GEMIN2: variants seen among roughly 807,000 people sequenced by gnomAD.
GEMIN2 encodes the protein gem-associated protein 2.
Under a neutral mutation model 45.8 loss-of-function variants are expected in GEMIN2, and 37 were observed. The ratio of observed to expected loss-of-function variants is 0.81; its 90% confidence interval spans 0.62 to 1.06. The LOEUF (loss-of-function observed/expected upper bound fraction) is 1.06. Ranked by LOEUF, GEMIN2 falls within the 50% of genes least tolerant of loss-of-function variation. GEMIN2 has a pLI of 0.00. For missense variants in GEMIN2, 335 were observed against 321.8 expected (o/e 1.04, Z -0.31); for synonymous variants, 101 against 111.5 (o/e 0.91, Z 0.60).
chr14:39,131,317 C>T (rs2052712702), intron 7 of GEMIN2, among the ~76,000 whole-genome samples: 1 of 152,104 alleles, frequency 6.6e-6, no homozygotes, highest in Non-Finnish European at 1.5e-5. Context: ...GAAAGTTGTA[C>T]ATACGAATAG....
At chr14:39,133,621 G>A in intron 8 of GEMIN2, 40 bp from the exon 9 acceptor site, 1 of 1,079,248 alleles carries the variant, frequency 9.3e-7, no homozygotes, top group Non-Finnish European at 1.3e-6. Context: ...AAAAGTAATA[G>A]GAACAGACAA....
At chr14:39,128,763 A>G (rs189473602) in intron 7 of GEMIN2, among the ~76,000 whole-genome samples, 170 of 151,636 alleles carry the variant, frequency 1.1e-3, no homozygotes, top group African/African-American at 3.8e-3. Context: ...CACCCTCCCA[A>G]AATGCTGGGA....
At chr14:39,120,321 C>G (rs528054979) in intron 4 of GEMIN2, among the ~76,000 whole-genome samples, 240 of 152,232 alleles carry the variant, frequency 1.6e-3, no homozygotes, top group Non-Finnish European at 2.7e-3. Context: ...GGCAGATCAC[C>G]TGAGCTCAGG....
intron 2 of GEMIN2, among the ~76,000 whole-genome samples, chr14:39,115,750 C>T (rs548502891): frequency 3.6e-4 from 55 of 152,048 alleles, no homozygotes; most frequent in Non-Finnish European, 7.8e-4. Flanking sequence ...CCACCATACC[C>T]GGCCTTACAC....
chr14:39,132,010 A>G lies in GEMIN2; in HGVS notation c.653A>G (p.Glu218Gly), dbSNP rs371722150. Residue 218 changes from glutamate (E) to glycine (G), a missense_variant, in exon 8 of 10, where the codon GAG becomes GGG. Physicochemically the swap from Glu to Gly is moderately conservative, Grantham distance 98 (BLOSUM62 -2). Transcript: ENST00000308317. ...TGTCTTGAAAAGCCTTTGTTACCTG[A>G]GGCTCATTCACTGATTCGGCAGCTT... ...LACLEKPLLP[E>G]AHSLIRQLAR... 6.2e-7 allele frequency: 1 copy of G among 1,606,698 alleles called. No individual in the cohort carries two copies.
intron 2 of GEMIN2, among the ~76,000 whole-genome samples, chr14:39,116,325 C>G (rs2052505360): frequency 6.6e-6 from 1 of 152,148 alleles, no homozygotes; most frequent in East Asian, 1.9e-4. Context: ...TGTGAGCCAC[C>G]ACGCCTGGCC....
chr14:39,132,742 G>A (rs1443191225), intron 8 of GEMIN2, among the ~76,000 whole-genome samples: 3 of 139,614 alleles, frequency 2.1e-5, no homozygotes, highest in East Asian at 2.2e-4. Flanking sequence ...GCAATGGTGC[G>A]GTCTCGGCTC....
chr14:39,122,828 C>A, intron 5 of GEMIN2: 1 of 242,972 alleles, frequency 4.1e-6, no homozygotes, highest in Non-Finnish European at 7.8e-6. Context: ...CCTAACAAAA[C>A]AGCTTAGTTT....
At chr14:39,115,835 G>A (rs1352415612) in intron 2 of GEMIN2, among the ~76,000 whole-genome samples, 1 of 152,030 alleles carries the variant, frequency 6.6e-6, no homozygotes, top group African/African-American at 2.4e-5. Context: ...AAGCAACTAG[G>A]TTGTGCCGGG....
At chr14:39,117,906 A>C in intron 2 of GEMIN2, 93 bp from the exon 3 acceptor site, 1 of 567,866 alleles carries the variant, frequency 1.8e-6, no homozygotes. Context: ...TTTATTATAC[A>C]CTTTATCTTG....
intron 4 of GEMIN2, among the ~76,000 whole-genome samples, chr14:39,119,259 A>G (rs921984743): frequency 6.6e-5 from 10 of 152,242 alleles, no homozygotes; most frequent in Non-Finnish European, 1.5e-4. Context: ...GGTGCCATGC[A>G]GTAAACTCAC....
intron 9 of GEMIN2, among the ~76,000 whole-genome samples, chr14:39,135,296 A>G (rs577648820): frequency 1.3e-5 from 2 of 152,272 alleles, no homozygotes; most frequent in East Asian, 3.9e-4. Context: ...AAAGTTTAGG[A>G]AAAAAAGGAC....
intron 7 of GEMIN2, among the ~76,000 whole-genome samples, chr14:39,129,399 T>C (rs918250390): frequency 1.3e-5 from 2 of 151,942 alleles, no homozygotes; most frequent in Admixed American, 1.3e-4. Context: ...GATGCTACGG[T>C]ATTTATTTAT....
Position 39,136,488 on chromosome 14 carries a change from ATC to A in GEMIN2, c.*14_*15del. On this transcript the variant is annotated 3_prime_UTR_variant, in exon 10 of 10. Transcript: ENST00000308317. ...CTGATGAGCCATCTTGATGTAGCTGATCTCTCAGGGATAGAAGATATTTCTCA... is the reference window on the plus strand; with the variant it reads ...CTGATGAGCCATCTTGATGTAGCTGATCTCAGGGATAGAAGATATTTCTCA... 1.3e-6 allele frequency: 2 copies of A among 1,598,924 alleles called. No homozygotes were observed. Among genetic ancestry groups the A allele is most frequent in the Middle Eastern group, 3.3e-4 (2 of 6,030 alleles).
intron 9 of GEMIN2, chr14:39,134,446 A>T (rs1217372662): frequency 3.9e-5 from 6 of 152,120 alleles, no homozygotes; most frequent in Non-Finnish European, 5.9e-5. Flanking sequence ...AAACACACAT[A>T]TTTATTTTAG....
At chr14:39,128,420 A>G (rs978416909) in intron 7 of GEMIN2, 72 bp downstream of exon 7, 9 of 750,956 alleles carry the variant, frequency 1.2e-5, no homozygotes, top group Non-Finnish European at 1.9e-5. Context: ...TGGGCCACAT[A>G]TACAATGGTG....
intron 6 of GEMIN2, among the ~76,000 whole-genome samples, chr14:39,126,724 A>C (rs1027807462): frequency 3.9e-5 from 6 of 152,102 alleles, no homozygotes; most frequent in African/African-American, 1.4e-4. Flanking sequence ...ACTTTGATTT[A>C]ATTTGAATTT....
chr14:39,117,155 C>T (rs909225361), intron 2 of GEMIN2, among the ~76,000 whole-genome samples: 3 of 151,818 alleles, frequency 2.0e-5, no homozygotes, highest in African/African-American at 7.3e-5. Flanking sequence ...GCCTGTAATC[C>T]CAGCTACTCG....
In GEMIN2 at chr14:39,114,810, G is replaced by A. The variant is rs749531566; in HGVS notation, c.138-19G>A. 3.8e-6 allele frequency: 5 copies of A among 1,331,064 alleles called. No homozygotes were observed. The Admixed American group carries it at 8.5e-5, about 23-fold the overall frequency. The allele number at this position is 1,331,064 out of a possible 1,614,324, so 82.5% of individuals were successfully genotyped here. On this transcript the variant is annotated intron_variant, in intron 1 of 9. Transcript: ENST00000308317. ...GCACAACAGAAATTTAATTTATCGCGTTTATTACTTATTTGTAGGATCGAA... is the reference window on the plus strand; with the variant it reads ...GCACAACAGAAATTTAATTTATCGCATTTATTACTTATTTGTAGGATCGAA...
Sources: gnomAD v4.1 joint callset for allele counts (sites outside exome capture counted in the v4.1 genomes callset) on GRCh38, gnomAD v4.1.1 for gene constraint, MANE v1.5 for transcripts, NCBI Gene and HGNC (gene_info 2026-07-23, HGNC 2026-07-21) for gene names.